SMAD4: variants seen among roughly 807,000 people sequenced by gnomAD.
The protein encoded by SMAD4 is SMAD family member 4, also known as MAD homolog 4.
Under a neutral mutation model 63.2 loss-of-function variants are expected in SMAD4, and 7 were observed. That is an observed-to-expected ratio of 0.11 (90% CI 0.06 to 0.21). The LOEUF (loss-of-function observed/expected upper bound fraction) is 0.21. Among genes scored for constraint, SMAD4 ranks in the 10% least tolerant of loss-of-function variants. SMAD4 has a pLI of 1.00. For missense variants in SMAD4, 312 were observed against 693.8 expected, an observed-to-expected ratio of 0.45 and a Z score of 6.18; for synonymous variants, 215 against 235.4, an observed-to-expected ratio of 0.91 and a Z score of 0.79.
Position 51,082,404 on chromosome 18 carries a change from C to T in SMAD4, c.*3937C>T, listed in dbSNP as rs1910631873. ...AAGAAGTATGTAAAAAGTCCATGGC[C>T]TTATTCATCCACAAAGTGGCATCCT... On this transcript the variant is annotated 3_prime_UTR_variant, in exon 12 of 12. Coordinates refer to ENST00000342988, the MANE Select transcript of SMAD4 (RefSeq NM_005359.6). The T allele has an allele frequency of 4.4e-6, 1 of 228,962 alleles. No individual in the cohort carries two copies. The highest frequency in any genetic ancestry group is 1.8e-4 in the South Asian group (1 of 5,498). 14.2% of individuals were successfully genotyped at this position (228,962 alleles called of 1,614,324 possible).
At chr18:51,072,656 C>A (rs1417275730) in intron 10 of SMAD4, among the ~76,000 whole-genome samples, 3 of 152,148 alleles carry the variant, frequency 2.0e-5, no homozygotes, top group Admixed American at 2.0e-4. Context: ...AAGACAATAT[C>A]CTAAAGATGT....
intron 4 of SMAD4, 143 bp downstream of exon 4, chr18:51,049,467 A>G (rs1443526320): frequency 1.6e-5 from 11 of 681,424 alleles, no homozygotes; most frequent in Non-Finnish European, 5.3e-6. Flanking sequence ...GTAGATTTTG[A>G]GGTTAGGGGC....
At chr18:51,076,121 C>T (rs977926589) in intron 10 of SMAD4, among the ~76,000 whole-genome samples, 2 of 152,050 alleles carry the variant, frequency 1.3e-5, no homozygotes, top group Non-Finnish European at 2.9e-5. Context: ...AAAACAAGTC[C>T]TGGATATTAT....
At chr18:51,071,378 A>G (rs1910311607) in intron 10 of SMAD4, among the ~76,000 whole-genome samples, 1 of 152,096 alleles carries the variant, frequency 6.6e-6, no homozygotes, top group Non-Finnish European at 1.5e-5. Context: ...CTAGGACTAA[A>G]TTGTGGTTTT....
intron 8 of SMAD4, among the ~76,000 whole-genome samples, chr18:51,062,851 G>GTTTTC (rs1910052331): frequency 1.5e-5 from 1 of 65,386 alleles, no homozygotes; most frequent in Non-Finnish European, 2.7e-5. Flanking sequence ...GGCTTTACTT[G>GTTTTC]TTTTTTTTTT....
At chr18:51,050,613 A>G (rs961620941) in intron 4 of SMAD4, among the ~76,000 whole-genome samples, 5 of 149,828 alleles carry the variant, frequency 3.3e-5, no homozygotes, top group African/African-American at 1.2e-4. Context: ...GAGCCGAGAT[A>G]GTGGCACTGC....
intron 10 of SMAD4, among the ~76,000 whole-genome samples, chr18:51,072,595 G>T (rs187352936): frequency 5.6e-4 from 85 of 152,184 alleles, no homozygotes; most frequent in Non-Finnish European, 1.1e-3. Flanking sequence ...ATATAGTATT[G>T]CATTTAAGCC....
At chr18:51,044,299 C>A (rs901553435) in intron 1 of SMAD4, among the ~76,000 whole-genome samples, 1 of 152,166 alleles carries the variant, frequency 6.6e-6, no homozygotes, top group South Asian at 2.1e-4. Flanking sequence ...CCCACACTAC[C>A]ATGCCTGGCG....
chr18:51,032,535 T>C (rs1027949025), intron 1 of SMAD4, among the ~76,000 whole-genome samples: 3 of 152,254 alleles, frequency 2.0e-5, no homozygotes, highest in African/African-American at 7.2e-5. Context: ...TGCTTCACTT[T>C]CTTAAGCTAC....
At chr18:51,062,340 C>G (rs796638481) in intron 8 of SMAD4, among the ~76,000 whole-genome samples, 6 of 152,070 alleles carry the variant, frequency 3.9e-5, no homozygotes, top group African/African-American at 1.2e-4. Flanking sequence ...CTCATGTAAC[C>G]ACTACACAGA....
chr18:51,083,053 A>G lies in SMAD4; in HGVS notation c.*4586A>G, dbSNP rs1286077509. ...GCTGAGTTTCAGGTAGTTGAGATAGAGAGAAGTGAGTCATATTCATATTTT... is the reference window on the plus strand; with the variant it reads ...GCTGAGTTTCAGGTAGTTGAGATAGGGAGAAGTGAGTCATATTCATATTTT... On this transcript the variant is annotated 3_prime_UTR_variant, in exon 12 of 12. Coordinates refer to ENST00000342988, the MANE Select transcript of SMAD4 (RefSeq NM_005359.6). 2 of 224,160 alleles carry G rather than the reference A, an allele frequency of 8.9e-6. No homozygotes were observed. Among genetic ancestry groups the G allele is most frequent in the South Asian group, 1.8e-4 (1 of 5,464 alleles). The allele number at this position is 224,160 out of a possible 1,614,324, so 13.9% of individuals were successfully genotyped here.
intron 1 of SMAD4, among the ~76,000 whole-genome samples, chr18:51,041,105 C>G (rs1056515788): frequency 6.6e-6 from 1 of 152,122 alleles, no homozygotes; most frequent in East Asian, 1.9e-4. Context: ...AGGATCTTAC[C>G]GCTTTTCTGG....
At chr18:51,064,812 A>G (rs1910105710) in intron 8 of SMAD4, among the ~76,000 whole-genome samples, 1 of 152,240 alleles carries the variant, frequency 6.6e-6, no homozygotes, top group African/African-American at 2.4e-5. Context: ...CCCAAGAGAC[A>G]GTTGAGAATC....
rs68159021 is a variant in SMAD4, at chr18:51,084,002, A to ACG, written c.*5545_*5546dup. On this transcript the variant is annotated 3_prime_UTR_variant, in exon 12 of 12. Transcript: ENST00000342988. ...CAATAAACACTTAACGCGCGTGCGC[A>ACG]CGCGCGCGCGCACACACACACACAC... 0.032 allele frequency: 2,976 copies of ACG among 93,760 alleles called. 16 individuals are homozygous for ACG. The highest frequency in any genetic ancestry group is 0.055 in the South Asian group (135 of 2,458). 5.8% of individuals were successfully genotyped at this position (93,760 alleles called of 1,614,324 possible). A position where few individuals can be genotyped will look rare whatever the true frequency, so the allele number is the denominator to read the frequency against.
In SMAD4 at chr18:51,079,125, G is replaced by C. The variant is rs538654348; in HGVS notation, c.*658G>C. 4.3e-6 allele frequency: 1 copy of C among 232,886 alleles called. No homozygotes were observed. The highest frequency in any genetic ancestry group is 1.8e-4 in the South Asian group (1 of 5,518). 14.4% of individuals were successfully genotyped at this position (232,886 alleles called of 1,614,324 possible). A position where few individuals can be genotyped will look rare whatever the true frequency, so the allele number is the denominator to read the frequency against. On this transcript the variant is annotated 3_prime_UTR_variant, in exon 12 of 12. Transcript: ENST00000342988. ...AAAACTCTTAATCTGTGTGTATATT[G>C]AGAATCCCTTAAAATTACCAGACAA...
chr18:51,045,832 T>C (rs1314963972), intron 1 of SMAD4, among the ~76,000 whole-genome samples: 1 of 152,180 alleles, frequency 6.6e-6, no homozygotes, highest in Non-Finnish European at 1.5e-5. Context: ...TGATTTACTT[T>C]CTGTCTCTGT....
Position 51,059,886 on chromosome 18 carries a change from G to C in SMAD4, c.925G>C (p.Ala309Pro), listed in dbSNP as rs774463256. The change falls in exon 8 of 12, where the codon GCA (alanine) becomes CCA (proline). Residue 309 changes from alanine to proline, a missense_variant. Coordinates refer to ENST00000342988, the MANE Select transcript of SMAD4 (RefSeq NM_005359.6). ...GHYWPVHNEL[A>P]FQPPISNHPA... Reference sequence around the variant, plus strand: ...TTTAGGGCCTGTTCACAATGAGCTTGCATTCCAGCCTCCCATTTCCAATCA... The same window carrying C: ...TTTAGGGCCTGTTCACAATGAGCTTCCATTCCAGCCTCCCATTTCCAATCA... 6.2e-7 allele frequency: 1 copy of C among 1,613,258 alleles called. No homozygotes were observed. The highest frequency in any genetic ancestry group is 8.5e-7 in the Non-Finnish European group (1 of 1,179,358).
chr18:51,046,786 A>T (rs1909555416), intron 1 of SMAD4, 134 bp from the exon 2 acceptor site: 1 of 436,898 alleles, frequency 2.3e-6, no homozygotes, highest in Non-Finnish European at 4.0e-6. Context: ...GTAATTTTCA[A>T]CTCTGAGCAT....
In SMAD4 at chr18:51,079,979, T is replaced by A. The variant is rs937475138; in HGVS notation, c.*1512T>A. 5 of 230,584 alleles carry A rather than the reference T, an allele frequency of 2.2e-5. No homozygotes were observed. The highest frequency in any genetic ancestry group is 3.4e-5 in the Non-Finnish European group (4 of 116,808). The allele number at this position is 230,584 out of a possible 1,614,324, so 14.3% of individuals were successfully genotyped here. The stretch of plus-strand genomic sequence containing the variant: ...GTGTAGAGTTGGTTTTTTTTTTTTT[T>A]AATTTTTATTTTACTATAGCAGAAA... On this transcript the variant is annotated 3_prime_UTR_variant, in exon 12 of 12. Transcript: ENST00000342988.
Sources: gnomAD v4.1 joint callset for allele counts (sites outside exome capture counted in the v4.1 genomes callset) on GRCh38, gnomAD v4.1.1 for gene constraint, MANE v1.5 for transcripts, NCBI Gene and HGNC (gene_info 2026-07-23, HGNC 2026-07-21) for gene names.